The following ABCC11 variants were observed in gnomAD, a reference collection of about 807,000 sequenced individuals.
The protein encoded by ABCC11 is ATP-binding cassette sub-family C member 11.
In ABCC11, 135 loss-of-function variants were observed where a neutral mutation model predicts 149.3. The observed-to-expected ratio is 0.90, with a 90% CI of 0.79 to 1.04. The LOEUF (loss-of-function observed/expected upper bound fraction) is 1.04. ABCC11 is among the 50% of genes least tolerant of loss of function. The pLI, the probability that ABCC11 is intolerant of heterozygous loss-of-function variation, is 0.00. For missense variants in ABCC11, 1,680 were observed against 1,722.1 expected (o/e 0.98, Z 0.43); for synonymous variants, 665 against 671.4 (o/e 0.99, Z 0.15).
Position 48,166,940 on chromosome 16 carries a change from G to T in ABCC11, c.*334C>A, listed in dbSNP as rs763420935. ...TTTCCTTAGTTTTATATTTTACAAAGTCAGTACAGCATTTGCAACACTTCT... is the reference window on the plus strand; with the variant it reads ...TTTCCTTAGTTTTATATTTTACAAATTCAGTACAGCATTTGCAACACTTCT... On this transcript the variant is annotated 3_prime_UTR_variant, in exon 30 of 30. Coordinates refer to ENST00000356608, the MANE Select transcript of ABCC11 (RefSeq NM_001370497.1). The T allele has an allele frequency of 3.2e-5, 7 of 221,168 alleles. No homozygotes were observed. Among genetic ancestry groups the T allele is most frequent in the Non-Finnish European group, 6.3e-5 (7 of 111,566 alleles). The allele number at this position is 221,168 out of a possible 1,614,324, so 13.7% of individuals were successfully genotyped here. A position where few individuals can be genotyped will look rare whatever the true frequency, so the allele number is the denominator to read the frequency against.
chr16:48,196,195 T>A, intron 18 of ABCC11, 37 bp downstream of exon 18: 1 of 1,601,764 alleles, frequency 6.2e-7, no homozygotes. Context: ...ATAGGGCTGC[T>A]CCAAGAGAGA....
At chr16:48,244,309 G>A in intron 1 of ABCC11, 1 of 1,104,646 alleles carries the variant, frequency 9.1e-7, no homozygotes, top group Non-Finnish European at 1.2e-6. Flanking sequence ...CGGGTCTGAG[G>A]TTTGGTGACT....
At chr16:48,184,830 G>T (rs1358628079) in intron 22 of ABCC11, among the ~76,000 whole-genome samples, 1 of 152,228 alleles carries the variant, frequency 6.6e-6, no homozygotes, top group African/African-American at 2.4e-5. Context: ...CCCAGATTGA[G>T]GAGTAGGCTC....
chr16:48,244,400 G>C, intron 1 of ABCC11: 1 of 1,558,002 alleles, frequency 6.4e-7, no homozygotes, highest in Non-Finnish European at 8.6e-7. Flanking sequence ...TGTCATCAGT[G>C]AGCCCCATCC....
Position 48,187,402 on chromosome 16 carries a change from A to G in ABCC11, c.2732T>C (p.Phe911Ser), listed in dbSNP as rs1221238727. ...AAGCCGGCCTATTGGGATGGTGTCA[A>G]AGAAACTCATGGGGCAGCGGAAAAC... ...NKVFRCPMSF[F>S]DTIPIGRLLN... is the part of the protein sequence containing the mutation. Residue 911 changes from phenylalanine to serine, a missense_variant, in exon 21 of 30, where the codon TTT becomes TCT. Coordinates refer to ENST00000356608, the MANE Select transcript of ABCC11 (RefSeq NM_001370497.1). The G allele has an allele frequency of 2.5e-6, 4 of 1,613,672 alleles. No homozygotes were observed. Among genetic ancestry groups the G allele is most frequent in the Non-Finnish European group, 3.4e-6 (4 of 1,179,832 alleles).
Position 48,211,012 on chromosome 16 carries a change from C to G in ABCC11, c.1544G>C (p.Gly515Ala), listed in dbSNP as rs781052789. Reference sequence around the variant, plus strand: ...CAGGCTGTTCCCTTCTTCCTCTGGCCCGAGGGCATCTCTAGGCCTGGTCAT... The same window carrying G: ...CAGGCTGTTCCCTTCTTCCTCTGGCGCGAGGGCATCTCTAGGCCTGGTCAT... ...EGMTRPRDAL[G>A]PEEEGNSLGP... is the part of the protein sequence containing the mutation. The change falls in exon 11 of 30, where the codon GGG becomes GCG. Residue 515 changes from glycine (G) to alanine (A), a missense_variant. Gly to Ala is a moderately conservative substitution (Grantham distance 60). Coordinates refer to ENST00000356608, the MANE Select transcript of ABCC11 (RefSeq NM_001370497.1). 6.2e-7 allele frequency: 1 copy of G among 1,614,180 alleles called. No individual in the cohort carries two copies. Among genetic ancestry groups the G allele is most frequent in the Non-Finnish European group, 8.5e-7 (1 of 1,180,036 alleles).
chr16:48,186,788 A>T (rs1187929916), intron 22 of ABCC11, among the ~76,000 whole-genome samples, 165 bp downstream of exon 22: 1 of 152,226 alleles, frequency 6.6e-6, no homozygotes, highest in Non-Finnish European at 1.5e-5. Flanking sequence ...CTTATAAATG[A>T]AAGAATGGTT....
chr16:48,187,034 GGA>G lies in ABCC11; in HGVS notation c.2988_2989del (p.Pro997PhefsTer22). ...AGAATTGAGGATGTGGGAGAATAAA[GGA>G]GACCGGCTATAGTTCTCCAGTCTCT... On this transcript the variant is annotated frameshift_variant, in exon 22 of 30. Transcript: ENST00000356608. LOFTEE classifies it high-confidence loss of function. 3.1e-6 allele frequency: 5 copies of G among 1,614,144 alleles called. No homozygotes were observed. The highest frequency in any genetic ancestry group is 4.2e-6 in the Non-Finnish European group (5 of 1,180,016).
At chr16:48,226,215 C>T (rs897229704) in intron 4 of ABCC11, among the ~76,000 whole-genome samples, 6 of 149,816 alleles carry the variant, frequency 4.0e-5, no homozygotes, top group African/African-American at 1.5e-4. Context: ...AATTTATCAC[C>T]TCTTTTGTTT....
At chr16:48,236,006 G>C (rs1970668376) in intron 1 of ABCC11, among the ~76,000 whole-genome samples, 1 of 152,208 alleles carries the variant, frequency 6.6e-6, no homozygotes, top group African/African-American at 2.4e-5. Context: ...TACATCAGTG[G>C]TTAAGGAAGT....
Position 48,205,480 on chromosome 16 carries a change from G to A in ABCC11, c.1738C>T (p.Gln580Ter). 6.2e-7 allele frequency: 1 copy of A among 1,614,180 alleles called. No homozygotes were observed. Among genetic ancestry groups the A allele is most frequent in the Non-Finnish European group, 8.5e-7 (1 of 1,180,036 alleles). The change falls in exon 13 of 30, where the codon CAG (glutamine) becomes TAG (stop). Residue 580 changes from glutamine to a stop codon, truncating the protein, a stop_gained. Transcript: ENST00000356608. LOFTEE classifies it high-confidence loss of function. ...ATGTTCCCGCTGACGATCCAGGCCT[G>A]CTGGGGGACATAGGCCAGGCTTCCC... ...VQGSLAYVPQ[Q>*]AWIVSGNIRE...
chr16:48,211,963 A>G (rs981703632), intron 10 of ABCC11, among the ~76,000 whole-genome samples: 1 of 152,170 alleles, frequency 6.6e-6, no homozygotes, highest in East Asian at 1.9e-4. Flanking sequence ...GCTTCCTGAC[A>G]TTTTGGACTC....
rs376484596 is a variant in ABCC11 at position 48,200,408 on chromosome 16, G to A, written c.1950C>T (p.Ser650=). Residue 650 remains serine (S), a synonymous_variant, in exon 15 of 30, where the codon TCC becomes TCT. Transcript: ENST00000356608. ...QRISLARAVY[S]DRQIYLLDDP... ...CGTCCAGCAGGTAGATCTGACGGTCGGAATAGACGGCGCGGGCCAGGCTGA... is the reference window on the plus strand; with the variant it reads ...CGTCCAGCAGGTAGATCTGACGGTCAGAATAGACGGCGCGGGCCAGGCTGA... 3.3e-5 allele frequency: 54 copies of A among 1,614,120 alleles called. 1 individual carries two copies. The highest frequency in any genetic ancestry group is 1.3e-4 in the African/African-American group (10 of 74,948).
At chr16:48,188,954 A>G (rs1966848577) in intron 20 of ABCC11, among the ~76,000 whole-genome samples, 1 of 152,234 alleles carries the variant, frequency 6.6e-6, no homozygotes, top group South Asian at 2.1e-4. Context: ...TGAGCCATGA[A>G]GTGTTCTCTG....
chr16:48,176,902 T>C, intron 25 of ABCC11, 22 bp downstream of exon 25: 1 of 1,610,028 alleles, frequency 6.2e-7, no homozygotes, highest in Non-Finnish European at 8.5e-7. Flanking sequence ...CTGGGGACGC[T>C]CGCCCAGGAA....
chr16:48,177,632 G>T (rs1966170547), intron 24 of ABCC11, among the ~76,000 whole-genome samples: 2 of 152,220 alleles, frequency 1.3e-5, no homozygotes, highest in Admixed American at 1.3e-4. Context: ...CTCAAACCCA[G>T]ATCTGCCTAA....
intron 14 of ABCC11, among the ~76,000 whole-genome samples, chr16:48,201,465 T>C (rs370906405): frequency 2.5e-4 from 35 of 141,856 alleles, no homozygotes; most frequent in Admixed American, 5.2e-4. Flanking sequence ...AACCTTTTTT[T>C]TTCTTTTTCT....
Position 48,216,294 on chromosome 16 carries a change from G to C in ABCC11, c.778-7C>G. 1 of 1,611,846 alleles carries C rather than the reference G, an allele frequency of 6.2e-7. No homozygotes were observed. On this transcript the variant is annotated splice_polypyrimidine_tract_variant and splice_region_variant and intron_variant, in intron 6 of 29. Transcript: ENST00000356608. ...CGGTGAAGAAGCTGATGGCCTGCAA[G>C]ACAGCAAGTTGATGGGCACAGATGT...
chr16:48,186,737 A>C (rs1966766783), intron 22 of ABCC11, among the ~76,000 whole-genome samples: 1 of 152,268 alleles, frequency 6.6e-6, no homozygotes, highest in African/African-American at 2.4e-5. Flanking sequence ...CAAGGTCTTT[A>C]AAGTTTACAA....
Sources: gnomAD v4.1 joint callset for allele counts (sites outside exome capture counted in the v4.1 genomes callset) on GRCh38, gnomAD v4.1.1 for gene constraint, MANE v1.5 for transcripts, NCBI Gene and HGNC (gene_info 2026-07-23, HGNC 2026-07-21) for gene names.